The following GPR4 variants were observed in gnomAD, a reference collection of about 807,000 sequenced individuals.
GPR4 encodes the protein G protein-coupled receptor 4.
In GPR4, 11 loss-of-function variants were observed where a neutral mutation model predicts 17.8. That is an observed-to-expected ratio of 0.62 (90% confidence interval 0.39 to 1.02). The LOEUF (loss-of-function observed/expected upper bound fraction) is 1.02. Ranked by LOEUF, GPR4 falls within the 50% of genes least tolerant of loss-of-function variation. The probability of loss-of-function intolerance (pLI) is 0.00; values close to 1 mark genes in which losing one functional copy is unlikely to be tolerated. For missense variants in GPR4, 364 were observed against 495.4 expected (o/e 0.73, Z 2.52); for synonymous variants, 219 against 222.8 (o/e 0.98, Z 0.15).
intron 1 of GPR4, among the ~76,000 whole-genome samples, chr19:45,593,632 C>G (rs1389577776): frequency 6.6e-6 from 1 of 151,918 alleles, no homozygotes; most frequent in Non-Finnish European, 1.5e-5. Flanking sequence ...GGTATCATAT[C>G]ATGCTTCAGG....
In GPR4 at chr19:45,591,173, T is replaced by A; in HGVS notation, c.694A>T (p.Ile232Phe). The A allele has an allele frequency of 1.2e-6, 2 of 1,613,436 alleles. No homozygotes were observed. Among genetic ancestry groups the A allele is most frequent in the Non-Finnish European group, 1.7e-6 (2 of 1,179,968 alleles). ...TAGGGCGCAAAGCAGACCAGCACGA[T>A]GGCGATGAGGCTGAGGGCCAGCCGC... The part of the protein sequence containing the change: ...IKRLALSLIA[I>F]VLVCFAPYHV... Residue 232 changes from isoleucine (I) to phenylalanine (F), a missense_variant, in exon 2 of 2, where the codon ATC (isoleucine) becomes TTC (phenylalanine). Transcript: ENST00000323040. This position sits in a 1 kb window ranked among gnomAD's most constrained non-coding sequence, Gnocchi z 7.6.
chr19:45,592,084 G>T lies in GPR4; in HGVS notation c.-218C>A, dbSNP rs917380447. 2 of 503,466 alleles carry T rather than the reference G, an allele frequency of 4.0e-6. No individual in the cohort carries two copies. The highest frequency in any genetic ancestry group is 3.6e-6 in the Non-Finnish European group (1 of 277,502). The allele number at this position is 503,466 out of a possible 1,614,324, so 31.2% of individuals were successfully genotyped here. On this transcript the variant is annotated 5_prime_UTR_variant, in exon 2 of 2. It introduces an in-frame stop codon into an upstream open reading frame of the 5' UTR. Transcript: ENST00000323040. ...AAAGTTGGAGGAGGGATGGAATTAT[G>T]ACAGGAGGGAAGTCTGGAGGATGGT...
intron 1 of GPR4, among the ~76,000 whole-genome samples, chr19:45,597,703 C>G (rs1970071448): frequency 1.3e-5 from 2 of 152,196 alleles, no homozygotes; most frequent in Admixed American, 1.3e-4. Flanking sequence ...ACTCTCTGCC[C>G]ATGAGGCTGC....
chr19:45,601,490 C>A (rs1047634522), intron 1 of GPR4, among the ~76,000 whole-genome samples: 2 of 152,100 alleles, frequency 1.3e-5, no homozygotes, highest in Admixed American at 1.3e-4. Context: ...TAGAGTCCGC[C>A]TGCCCCAGGT....
At position 45,590,921 on chromosome 19, in the gene GPR4, T is replaced by TCTC. The variant is rs1287946443; in HGVS notation, c.943_945dup (p.Glu315dup). ...TCCAGGGTGAGCGAGGCATTGGCCA[T>TCTC]CTCCTGGGGCTTGTCGCTGGCCAGA... On this transcript the variant is annotated inframe_insertion, in exon 2 of 2. Coordinates refer to ENST00000323040, the MANE Select transcript of GPR4 (RefSeq NM_005282.3). 6.2e-7 allele frequency: 1 copy of TCTC among 1,613,998 alleles called. No homozygotes were observed. The highest frequency in any genetic ancestry group is 8.5e-7 in the Non-Finnish European group (1 of 1,180,024).
intron 1 of GPR4, among the ~76,000 whole-genome samples, chr19:45,600,677 C>A (rs1970102870): frequency 6.6e-6 from 1 of 152,202 alleles, no homozygotes; most frequent in Non-Finnish European, 1.5e-5. Flanking sequence ...ACTGTGGGGA[C>A]TTCTGCTTTT....
intron 1 of GPR4, among the ~76,000 whole-genome samples, chr19:45,599,171 G>A (rs1970087652): frequency 6.6e-6 from 1 of 152,178 alleles, no homozygotes; most frequent in South Asian, 2.1e-4. Flanking sequence ...CAAGGATGGA[G>A]AGATGGTGGG....
chr19:45,591,447 C>T lies in GPR4; in HGVS notation c.420G>A (p.Val140=), dbSNP rs2122540324. 3 of 1,606,848 alleles carry T rather than the reference C, an allele frequency of 1.9e-6. No homozygotes were observed. Among genetic ancestry groups the T allele is most frequent in the African/African-American group, 2.7e-5 (2 of 74,236 alleles). ...TGGCGCCCAGCTCCGTGGCCCAGAC[C>T]ACGGAGCTCACGGCCACGGCGGTCT... The part of the protein sequence containing the change: ...RVKTAVAVSS[V]VWATELGANS... Residue 140 remains valine (V), a synonymous_variant, in exon 2 of 2, where the codon GTG becomes GTA. Coordinates refer to ENST00000323040, the MANE Select transcript of GPR4 (RefSeq NM_005282.3). The surrounding 1 kb of genome is among the most constrained non-coding windows in gnomAD (Gnocchi z 7.6).
At chr19:45,600,703 C>T (rs1970103008) in intron 1 of GPR4, among the ~76,000 whole-genome samples, 1 of 152,168 alleles carries the variant, frequency 6.6e-6, no homozygotes, top group Non-Finnish European at 1.5e-5. Context: ...TCAGTTTCTC[C>T]ATCTATAAAA....
chr19:45,600,243 C>T (rs1255721134), intron 1 of GPR4, among the ~76,000 whole-genome samples: 1 of 152,160 alleles, frequency 6.6e-6, no homozygotes, highest in Non-Finnish European at 1.5e-5. Flanking sequence ...GGCCTAGCCT[C>T]AGCCCTCCCC....
intron 1 of GPR4, chr19:45,599,739 T>C (rs574996774): frequency 5.3e-5 from 8 of 152,330 alleles, no homozygotes; most frequent in Admixed American, 4.6e-4. Flanking sequence ...ACTTCGCAGT[T>C]GAATGTTCTA....
chr19:45,595,936 A>G (rs956706481), intron 1 of GPR4, among the ~76,000 whole-genome samples: 19 of 152,292 alleles, frequency 1.2e-4, no homozygotes, highest in Middle Eastern at 6.8e-3. Context: ...CAATCCCCAG[A>G]GAGGGGACGG....
Position 45,591,971 on chromosome 19 carries a change from C to G in GPR4, c.-105G>C. ...CCCCTGAGCCCCTTCCTTGGAGGCT[C>G]AGGGGAACATGGTGGGATGTGGTCT... is the stretch of plus-strand genomic sequence containing the variant. On this transcript the variant is annotated 5_prime_UTR_variant, in exon 2 of 2. The change abolishes the stop of an existing upstream ORF in the 5' untranslated region. Coordinates refer to ENST00000323040, the MANE Select transcript of GPR4 (RefSeq NM_005282.3). This position sits in a 1 kb window ranked among gnomAD's most constrained non-coding sequence, Gnocchi z 7.6. 1 of 1,253,280 alleles carries G rather than the reference C, an allele frequency of 8.0e-7. No homozygotes were observed. Among genetic ancestry groups the G allele is most frequent in the Non-Finnish European group, 1.1e-6 (1 of 912,448 alleles). 77.6% of individuals were successfully genotyped at this position (1,253,280 alleles called of 1,614,324 possible). A position where few individuals can be genotyped will look rare whatever the true frequency, so the allele number is the denominator to read the frequency against.
At chr19:45,601,977 C>T (rs1970115819) in intron 1 of GPR4, 118 bp downstream of exon 1, 1 of 152,776 alleles carries the variant, frequency 6.5e-6, no homozygotes, top group Non-Finnish European at 1.5e-5. Context: ...GGCACCGAGA[C>T]GGCGCGGGAG....
intron 1 of GPR4, among the ~76,000 whole-genome samples, chr19:45,598,106 A>T (rs573633228): frequency 6.6e-6 from 1 of 151,708 alleles, no homozygotes; most frequent in South Asian, 2.1e-4. Context: ...CTCTGCCCCT[A>T]GTCTCTCCCT....
intron 1 of GPR4, among the ~76,000 whole-genome samples, chr19:45,599,909 CTT>C (rs1300538472): frequency 6.6e-6 from 1 of 152,088 alleles, no homozygotes; most frequent in Non-Finnish European, 1.5e-5. Flanking sequence ...CATTCTATGA[CTT>C]TCATAATCTA....
chr19:45,591,069 A>G lies in GPR4; in HGVS notation c.798T>C (p.Ser266=). 1 of 1,613,994 alleles carries G rather than the reference A, an allele frequency of 6.2e-7. No individual in the cohort carries two copies. The highest frequency in any genetic ancestry group is 1.7e-5 in the Admixed American group (1 of 60,030). ...WDCGFEERVF[S]AYHSSLAFTS... is the part of the protein sequence containing the mutation. ...TGAAAGCCAGTGAGCTGTGGTATGC[A>G]GAAAAGACGCGCTCCTCGAAGCCGC... Residue 266 remains serine, a synonymous_variant, in exon 2 of 2, where the codon TCT becomes TCC. Coordinates refer to ENST00000323040, the MANE Select transcript of GPR4 (RefSeq NM_005282.3). This position sits in a 1 kb window ranked among gnomAD's most constrained non-coding sequence, Gnocchi z 7.6.
At chr19:45,601,003 C>A (rs1444161753) in intron 1 of GPR4, among the ~76,000 whole-genome samples, 1 of 152,100 alleles carries the variant, frequency 6.6e-6, no homozygotes, top group African/African-American at 2.4e-5. Flanking sequence ...GGGATTCCCC[C>A]AGAAAAGAAA....
chr19:45,600,577 C>T (rs1970102188), intron 1 of GPR4, among the ~76,000 whole-genome samples: 1 of 152,206 alleles, frequency 6.6e-6, no homozygotes, highest in South Asian at 2.1e-4. Context: ...CCAAATTAAT[C>T]CGACTTAGTG....
Sources: gnomAD v4.1 joint callset for allele counts (sites outside exome capture counted in the v4.1 genomes callset) on GRCh38, gnomAD v4.1.1 for gene constraint, Gnocchi (gnomAD v3.1) non-coding constraint, MANE v1.5 for transcripts, NCBI Gene and HGNC (gene_info 2026-07-23, HGNC 2026-07-21) for gene names.